Variants in GABRA3 observed in about 807,000 individuals in gnomAD.
GABRA3 encodes the protein gamma-aminobutyric acid receptor subunit alpha-3.
GABRA3 carries 10 observed loss-of-function variants against 30.1 expected under a neutral mutation model. The observed-to-expected ratio is 0.33, with a 90% confidence interval of 0.20 to 0.56. The LOEUF (loss-of-function observed/expected upper bound fraction) is 0.56. GABRA3 is among the 20% of genes least tolerant of loss of function. GABRA3 has a pLI of 0.89. For missense variants in GABRA3, 233 were observed against 392.0 expected, an observed-to-expected ratio of 0.59 and a Z score of 3.42; for synonymous variants, 151 against 146.8, an observed-to-expected ratio of 1.03 and a Z score of -0.21.
intron 3 of GABRA3, among the ~76,000 whole-genome samples, chrX:152,310,696 A>C (rs1241828889): frequency 9.0e-6 from 1 of 111,583 alleles, no homozygotes; most frequent in Non-Finnish European, 1.9e-5. Context: ...AGAAGAAAAA[A>C]ACAATAACCA....
intron 3 of GABRA3, among the ~76,000 whole-genome samples, chrX:152,325,375 C>T (rs1018886931): frequency 9.0e-6 from 1 of 111,573 alleles, no homozygotes; most frequent in Non-Finnish European, 1.9e-5. Flanking sequence ...AGTTTGAGAT[C>T]TGAGAACGGA....
intron 3 of GABRA3, among the ~76,000 whole-genome samples, chrX:152,312,289 C>T (rs931336653): frequency 3.6e-5 from 4 of 111,935 alleles, no homozygotes; most frequent in African/African-American, 9.7e-5. Flanking sequence ...AAAACAGACA[C>T]ATAGACCAAT....
At chrX:152,263,003 C>A (rs1938758201) in intron 4 of GABRA3, among the ~76,000 whole-genome samples, 1 of 111,554 alleles carries the variant, frequency 9.0e-6, no homozygotes, top group African/African-American at 3.3e-5. Flanking sequence ...GGGAAGCAAA[C>A]ACATCCTTCT....
intron 1 of GABRA3, among the ~76,000 whole-genome samples, chrX:152,441,742 T>G (rs1930937347): frequency 9.0e-6 from 1 of 111,266 alleles, no homozygotes; most frequent in Non-Finnish European, 1.9e-5. Flanking sequence ...TCTAAACTAG[T>G]TGTGTATAAA....
At chrX:152,319,595 T>A (rs188239692) in intron 3 of GABRA3, among the ~76,000 whole-genome samples, 1 of 111,958 alleles carries the variant, frequency 8.9e-6, no homozygotes, top group Non-Finnish European at 1.9e-5. Context: ...GATTAAGGAC[T>A]TAAATCTAAG....
chrX:152,261,255 T>C (rs773261291), intron 4 of GABRA3, among the ~76,000 whole-genome samples: 1 of 111,461 alleles, frequency 9.0e-6, no homozygotes, highest in South Asian at 3.8e-4. Context: ...AGCCAAATCA[T>C]ATAATTCCAC....
intron 4 of GABRA3, among the ~76,000 whole-genome samples, chrX:152,282,579 A>G (rs988151856): frequency 2.7e-5 from 3 of 112,011 alleles, no homozygotes; most frequent in Non-Finnish European, 5.6e-5. Flanking sequence ...CTGTTGCTTC[A>G]GCTAAATAAT....
At chrX:152,346,574 T>C (rs1940395232) in intron 2 of GABRA3, among the ~76,000 whole-genome samples, 1 of 111,608 alleles carries the variant, frequency 9.0e-6, no homozygotes, top group Non-Finnish European at 1.9e-5. Context: ...TGGGAGAAAA[T>C]ATTTGCAAAC....
chrX:152,309,578 T>C (rs762302333), intron 3 of GABRA3, among the ~76,000 whole-genome samples: 1 of 111,575 alleles, frequency 9.0e-6, no homozygotes, highest in South Asian at 3.8e-4. Flanking sequence ...TAAATCCTTT[T>C]CAGATAAGCA....
At chrX:152,197,412 G>A (rs1335869596) in intron 8 of GABRA3, among the ~76,000 whole-genome samples, 1 of 111,202 alleles carries the variant, frequency 9.0e-6, no homozygotes, top group East Asian at 2.8e-4. Context: ...GGACTGAAAT[G>A]GGAAGCATTT....
chrX:152,272,241 C>A (rs1458282318), intron 4 of GABRA3, among the ~76,000 whole-genome samples: 1 of 112,358 alleles, frequency 8.9e-6, no homozygotes, highest in Non-Finnish European at 1.9e-5. Flanking sequence ...GGACTGTACC[C>A]TGCAAAGCCA....
chrX:152,311,698 T>G (rs901166511), intron 3 of GABRA3, among the ~76,000 whole-genome samples: 1 of 111,474 alleles, frequency 9.0e-6, no homozygotes, highest in Non-Finnish European at 1.9e-5. Context: ...AAGTTCTTGC[T>G]AGAGCAATCG....
At chrX:152,174,199 A>G (rs1333122991) in intron 9 of GABRA3, among the ~76,000 whole-genome samples, 20 of 111,044 alleles carry the variant, frequency 1.8e-4, no homozygotes, top group Middle Eastern at 4.6e-3. Context: ...ATTGTTGGAC[A>G]TTTGGGTTGG....
chrX:152,392,183 G>C (rs1929503800), intron 1 of GABRA3: 1 of 380,675 alleles, frequency 2.6e-6, no homozygotes, highest in African/African-American at 2.6e-5. Context: ...GGAACAAATG[G>C]CTTTGGTCCA....
At chrX:152,446,344 A>T (rs983698323) in intron 1 of GABRA3, among the ~76,000 whole-genome samples, 3 of 111,654 alleles carry the variant, frequency 2.7e-5, no homozygotes, top group Admixed American at 9.5e-5. Context: ...CATCTAAACC[A>T]TGAGCCCAGG....
At position 152,325,284 on chromosome X, in the gene GABRA3, C is replaced by T. The variant is rs142388396; in HGVS notation, c.262+20297G>A. On this transcript the variant is annotated intron_variant, in intron 3 of 9. Coordinates refer to ENST00000370314, the MANE Select transcript of GABRA3 (RefSeq NM_000808.4). ...TAGGAACAGCTCCAGTCTACAGCTC[C>T]CAGCGTGAGCAATGCAGAAGACGAA... Among the ~76,000 whole-genome samples the T allele has an allele frequency of 4.0e-3, 453 of 111,863 alleles. 1 individual carries two copies. Among genetic ancestry groups the T allele is most frequent in the South Asian group, 0.011 (29 of 2,647 alleles).
intron 6 of GABRA3, among the ~76,000 whole-genome samples, chrX:152,223,513 C>T (rs1277159555): frequency 1.8e-5 from 2 of 110,293 alleles, no homozygotes; most frequent in Non-Finnish European, 3.8e-5. Flanking sequence ...GATTACCTGG[C>T]CCCCACTTTG....
chrX:152,441,146 G>A (rs930929739), intron 1 of GABRA3, among the ~76,000 whole-genome samples: 1 of 111,331 alleles, frequency 9.0e-6, no homozygotes, highest in African/African-American at 3.3e-5. Flanking sequence ...TCCTTATTGT[G>A]GTGGCACCGG....
At position 152,365,624 on chromosome X, in the gene GABRA3, A is replaced by C. The variant is rs140751189; in HGVS notation, c.-26-1028T>G. 1.2e-4 allele frequency among the ~76,000 whole-genome samples: 14 copies of C among 112,083 alleles called. No homozygotes were observed. The East Asian group carries it at 3.9e-3, about 32-fold the overall frequency. ...TACCCTTTTTCAGTCATATCAGTGA[A>C]TTAATTTTCAGAGAAAATGGAGGGA... On this transcript the variant is annotated intron_variant, in intron 1 of 9. Transcript: ENST00000370314.
Sources: allele counts gnomAD v4.1 joint callset (sites outside exome capture counted in the v4.1 genomes callset), GRCh38; gene constraint gnomAD v4.1.1; transcripts MANE v1.5; gene names NCBI Gene and HGNC (gene_info 2026-07-23, HGNC 2026-07-21).